GOLGA3: variants seen among roughly 807,000 people sequenced by gnomAD.
The protein encoded by GOLGA3 is golgin A3.
In GOLGA3, 75 loss-of-function variants were observed where a neutral mutation model predicts 169.4. The observed-to-expected ratio is 0.44, with a 90% CI of 0.37 to 0.54. GOLGA3 has a LOEUF of 0.54. Among genes scored for constraint, GOLGA3 ranks in the 20% least tolerant of loss-of-function variants. The probability of loss-of-function intolerance (pLI) is 0.00; values close to 1 mark genes in which losing one functional copy is unlikely to be tolerated. For missense variants in GOLGA3, 1,899 were observed against 1,930.0 expected (o/e 0.98, Z 0.30); for synonymous variants, 824 against 822.4 (o/e 1.00, Z -0.03).
chr12:132,796,367 G>A (rs1229164159), intron 10 of GOLGA3, 147 bp from the exon 11 acceptor site: 3 of 1,205,722 alleles, frequency 2.5e-6, no homozygotes, highest in African/African-American at 1.5e-5. Flanking sequence ...GAACCAGCAG[G>A]GCAAACACAG....
intron 7 of GOLGA3, 32 bp from the exon 8 acceptor site, chr12:132,802,001 A>C (rs1255024237): frequency 3.8e-6 from 6 of 1,569,958 alleles, no homozygotes; most frequent in South Asian, 1.1e-5. Context: ...GGCTCAGGCC[A>C]GCGACGGCCA....
In GOLGA3 at chr12:132,818,322, C is replaced by A. The variant is rs556309486; in HGVS notation, c.134-1510G>T. Among the ~76,000 whole-genome samples the A allele has an allele frequency of 3.3e-5, 5 of 152,364 alleles. No homozygotes were observed. The East Asian group carries it at 7.7e-4, about 23-fold the overall frequency. On this transcript the variant is annotated intron_variant, in intron 2 of 23. Coordinates refer to ENST00000450791, the MANE Select transcript of GOLGA3 (RefSeq NM_001389683.1). ...CTGCCCAGGCTGGAGTTCAGTCACA[C>A]AAGCTCAGCTCACTGCAAGCTCCAC...
chr12:132,782,165 G>A, intron 17 of GOLGA3, 131 bp downstream of exon 17: 2 of 869,850 alleles, frequency 2.3e-6, no homozygotes, highest in African/African-American at 1.6e-5. Context: ...TCCTGAGCCT[G>A]TTCTCTCGGC....
rs548459367 is a variant in GOLGA3 at position 132,787,926 on chromosome 12, C to T, written c.2811+1101G>A. 1.2e-3 allele frequency among the ~76,000 whole-genome samples: 109 copies of T among 91,066 alleles called. 6 individuals are homozygous for T. The highest frequency in any genetic ancestry group is 3.0e-3 in the African/African-American group (71 of 23,500). 59.7% of individuals were successfully genotyped at this position (91,066 alleles called of 152,430 possible). On this transcript the variant is annotated intron_variant, in intron 13 of 23. Coordinates refer to ENST00000450791, the MANE Select transcript of GOLGA3 (RefSeq NM_001389683.1). The stretch of plus-strand genomic sequence containing the variant: ...CCAGGACCCTTCCCTGGACCCCCCC[C>T]GGATGCCCTCCTCAGGATCAACTGT...
intron 1 of GOLGA3, among the ~76,000 whole-genome samples, chr12:132,822,691 C>A (rs1950265499): frequency 6.6e-6 from 1 of 152,160 alleles, no homozygotes; most frequent in Non-Finnish European, 1.5e-5. Context: ...GAGGCCGAGG[C>A]AGGCAGATCA....
At chr12:132,806,974 C>T (rs1949437591) in intron 6 of GOLGA3, among the ~76,000 whole-genome samples, 2 of 152,140 alleles carry the variant, frequency 1.3e-5, no homozygotes, top group South Asian at 4.1e-4. Flanking sequence ...GAAACACGCC[C>T]ATGCACGATG....
Position 132,791,284 on chromosome 12 carries a change from G to A in GOLGA3, c.2479C>T (p.Leu827=), listed in dbSNP as rs773080653. The part of the protein sequence containing the change: ...LAIKSGQVEH[L]QQETAALKKQ... ...TTCAGAGCAGCAGTCTCCTGCTGCA[G>A]GTGTTCCACCTGTGGGAGACATGTG... is the stretch of plus-strand genomic sequence containing the variant. Residue 827 remains leucine, a synonymous_variant, in exon 12 of 24, where the codon CTG becomes TTG. Transcript: ENST00000450791. 6.3e-7 allele frequency: 1 copy of A among 1,595,722 alleles called. No homozygotes were observed. Among genetic ancestry groups the A allele is most frequent in the Admixed American group, 1.7e-5 (1 of 59,718 alleles).
chr12:132,797,849 G>A (rs1482943420), intron 9 of GOLGA3, among the ~76,000 whole-genome samples: 2 of 152,254 alleles, frequency 1.3e-5, no homozygotes, highest in Non-Finnish European at 2.9e-5. Flanking sequence ...CCTCGACAGC[G>A]TGTGGTTGCT....
At chr12:132,814,507 A>G (rs1192018108) in intron 3 of GOLGA3, among the ~76,000 whole-genome samples, 2 of 152,142 alleles carry the variant, frequency 1.3e-5, no homozygotes, top group Admixed American at 1.3e-4. Context: ...CAGCCACAGG[A>G]GCTCAGCCGT....
At position 132,801,876 on chromosome 12, in the gene GOLGA3, G is replaced by A. The variant is rs777169188; in HGVS notation, c.1691C>T (p.Ser564Leu). Residue 564 changes from serine to leucine, a missense_variant, in exon 8 of 24, where the codon TCG (serine) becomes TTG (leucine). Transcript: ENST00000450791. ...CTGCAGGGACGAGATCTCCGCCTGC[G>A]ACGCCTTCAGCTTGCTGGTCAGCGT... ...RTTLTSKLKASQAEISSLQSV... is the reference protein window; with the variant it reads ...RTTLTSKLKALQAEISSLQSV... The A allele has an allele frequency of 3.1e-6, 5 of 1,604,718 alleles. No homozygotes were observed. Among genetic ancestry groups the A allele is most frequent in the East Asian group, 2.2e-5 (1 of 44,856 alleles).
chr12:132,824,898 G>A (rs1950348229), intron 1 of GOLGA3, among the ~76,000 whole-genome samples: 1 of 152,122 alleles, frequency 6.6e-6, no homozygotes, highest in African/African-American at 2.4e-5. Context: ...AGAGAACTGG[G>A]GGTCAGCCGG....
At chr12:132,823,955 T>G (rs1369311527) in intron 1 of GOLGA3, among the ~76,000 whole-genome samples, 1 of 151,224 alleles carries the variant, frequency 6.6e-6, no homozygotes, top group South Asian at 2.1e-4. Context: ...TGGCAGCGCG[T>G]GCCTGTAATC....
Position 132,789,035 on chromosome 12 carries a change from G to GTGTT in GOLGA3, c.2799_2802dup (p.His935AsnfsTer10). On this transcript the variant is annotated frameshift_variant, in exon 13 of 24. Transcript: ENST00000450791. LOFTEE classifies it high-confidence loss of function. ...ACCCGACACGGACAGACCTGCAAGTGTGTTTCCATCTCGTCTCGCTCCTTC... is the reference window on the plus strand; with the variant it reads ...ACCCGACACGGACAGACCTGCAAGTGTGTTTGTTTCCATCTCGTCTCGCTCCTTC... 1 of 1,553,946 alleles carries GTGTT rather than the reference G, an allele frequency of 6.4e-7. No homozygotes were observed. Among genetic ancestry groups the GTGTT allele is most frequent in the Non-Finnish European group, 8.7e-7 (1 of 1,144,696 alleles).
chr12:132,808,157 T>C lies in GOLGA3; in HGVS notation c.912A>G (p.Gly304=). Residue 304 remains glycine, a synonymous_variant, in exon 5 of 24, where the codon GGA becomes GGG. Coordinates refer to ENST00000450791, the MANE Select transcript of GOLGA3 (RefSeq NM_001389683.1). ...DDRLENTSLA[G]DSVSEVDGND... is the part of the protein sequence containing the mutation. The stretch of plus-strand genomic sequence containing the variant: ...TTCCATCCACCTCAGACACGCTGTC[T>C]CCAGCCAGGGAGGTGTTCTCCAGAC... The C allele has an allele frequency of 6.2e-7, 1 of 1,612,380 alleles. No homozygotes were observed. Among genetic ancestry groups the C allele is most frequent in the Non-Finnish European group, 8.5e-7 (1 of 1,178,828 alleles).
At chr12:132,780,728 G>A in intron 18 of GOLGA3, 70 bp downstream of exon 18, 3 of 936,308 alleles carry the variant, frequency 3.2e-6, no homozygotes, top group Middle Eastern at 3.1e-4. Context: ...GTGTGTGAAG[G>A]ACCCTGCATA....
chr12:132,819,357 G>A (rs745600909), intron 2 of GOLGA3, among the ~76,000 whole-genome samples: 9 of 151,988 alleles, frequency 5.9e-5, no homozygotes, highest in East Asian at 1.9e-4. Flanking sequence ...GCGAAACCCC[G>A]TCTCTACTAA....
chr12:132,802,430 C>T (rs1949175477), intron 7 of GOLGA3, among the ~76,000 whole-genome samples: 1 of 151,716 alleles, frequency 6.6e-6, no homozygotes, highest in Non-Finnish European at 1.5e-5. Flanking sequence ...AGATCCAGAC[C>T]AGCCTGGGCA....
Position 132,795,838 on chromosome 12 carries a change from G to A in GOLGA3, c.2469+14C>T. ...GGGTTCTGATTCAAAACAAAACACA[G>A]CAGAATGCATTACCTGGCCGGATTT... is the stretch of plus-strand genomic sequence containing the variant. On this transcript the variant is annotated intron_variant, in intron 11 of 23. Transcript: ENST00000450791. 1 of 1,606,786 alleles carries A rather than the reference G, an allele frequency of 6.2e-7. No individual in the cohort carries two copies. Among genetic ancestry groups the A allele is most frequent in the Non-Finnish European group, 8.5e-7 (1 of 1,174,186 alleles).
chr12:132,797,363 G>T (rs1405344365), intron 9 of GOLGA3, among the ~76,000 whole-genome samples: 1 of 152,008 alleles, frequency 6.6e-6, no homozygotes, highest in Non-Finnish European at 1.5e-5. Flanking sequence ...CTGCCTTGGG[G>T]TTTTACACCA....
Sources: gnomAD v4.1 joint callset for allele counts (sites outside exome capture counted in the v4.1 genomes callset) on GRCh38, gnomAD v4.1.1 for gene constraint, MANE v1.5 for transcripts, NCBI Gene and HGNC (gene_info 2026-07-23, HGNC 2026-07-21) for gene names.